Variants in ZNF367 observed in about 807,000 individuals in gnomAD.
ZNF367 encodes the protein zinc finger protein 367, also known as C2H2 zinc finger protein ZFF29.
A neutral mutation model predicts 31.8 loss-of-function variants in ZNF367; 11 were observed. The ratio of observed to expected loss-of-function variants is 0.35; its 90% CI spans 0.22 to 0.57. The LOEUF (loss-of-function observed/expected upper bound fraction) is 0.57. Ranked by LOEUF, ZNF367 falls within the 20% of genes least tolerant of loss-of-function variation. The pLI is 0.85. For synonymous variants in ZNF367, 199 were observed against 202.4 expected (o/e 0.98, Z 0.14); for missense variants, 353 against 484.1 (o/e 0.73, Z 2.54).
Position 96,418,266 on chromosome 9 carries a change from G to T in ZNF367, c.-234C>A. 2.0e-6 allele frequency: 1 copy of T among 503,628 alleles called. No homozygotes were observed. Among genetic ancestry groups the T allele is most frequent in the Non-Finnish European group, 3.1e-6 (1 of 323,418 alleles). 31.2% of individuals were successfully genotyped at this position (503,628 alleles called of 1,614,324 possible). A position where few individuals can be genotyped will look rare whatever the true frequency, so the allele number is the denominator to read the frequency against. On this transcript the variant is annotated 5_prime_UTR_variant, in exon 1 of 5. Coordinates refer to ENST00000375256, the MANE Select transcript of ZNF367 (RefSeq NM_153695.4). ...CCCTCCGCTCTTTGTACTCCGCAGC[G>T]CAGGCTGCAGGGGTGGGAAGCAGCG...
At chr9:96,416,506 T>A (rs1377241699) in intron 1 of ZNF367, among the ~76,000 whole-genome samples, 1 of 152,200 alleles carries the variant, frequency 6.6e-6, no homozygotes, top group Non-Finnish European at 1.5e-5. Context: ...TATATCAATT[T>A]CCTCAAAACC....
intron 1 of ZNF367, among the ~76,000 whole-genome samples, chr9:96,404,920 A>C (rs1831652948): frequency 6.6e-6 from 1 of 152,062 alleles, no homozygotes; most frequent in African/African-American, 2.4e-5. Flanking sequence ...ACAACAAAAA[A>C]CACAAAAAAC....
At chr9:96,402,277 A>C (rs549612076) in intron 1 of ZNF367, among the ~76,000 whole-genome samples, 61 of 152,148 alleles carry the variant, frequency 4.0e-4, no homozygotes, top group African/African-American at 1.5e-3. Context: ...AGAAAGAAAC[A>C]AAAGAAAAGA....
chr9:96,398,889 G>A (rs1831565905), intron 1 of ZNF367, among the ~76,000 whole-genome samples: 1 of 152,120 alleles, frequency 6.6e-6, no homozygotes, highest in Non-Finnish European at 1.5e-5. Flanking sequence ...TTACCTAAAG[G>A]ACTGACACAA....
At chr9:96,412,623 C>T (rs1231306619) in intron 1 of ZNF367, among the ~76,000 whole-genome samples, 3 of 151,956 alleles carry the variant, frequency 2.0e-5, no homozygotes, top group African/African-American at 7.3e-5. Context: ...GAATTGAGTG[C>T]ACTTTTATAA....
At chr9:96,415,665 T>A (rs558161178) in intron 1 of ZNF367, among the ~76,000 whole-genome samples, 1 of 151,496 alleles carries the variant, frequency 6.6e-6, no homozygotes, top group African/African-American at 2.4e-5. Flanking sequence ...GTCCGGCGAA[T>A]TTTTATATTT....
chr9:96,407,531 C>G (rs752267236), intron 1 of ZNF367: 36 of 1,274,528 alleles, frequency 2.8e-5, no homozygotes, highest in Non-Finnish European at 3.9e-5. Flanking sequence ...GAAAAGACTC[C>G]ACAGGGAGCA....
At chr9:96,388,603 T>C (rs568117266) in intron 4 of ZNF367, 144 bp from the exon 5 acceptor site, 1 of 822,756 alleles carries the variant, frequency 1.2e-6, no homozygotes, top group African/African-American at 1.7e-5. Context: ...ATAAATTTCC[T>C]ATTTATAGAG....
Position 96,418,295 on chromosome 9 carries a change from G to A in ZNF367, c.-263C>T. The A allele has an allele frequency of 2.3e-6, 1 of 432,612 alleles. No homozygotes were observed. The highest frequency in any genetic ancestry group is 6.2e-4 in the Middle Eastern group (1 of 1,608). The allele number at this position is 432,612 out of a possible 1,614,324, so 26.8% of individuals were successfully genotyped here. A position where few individuals can be genotyped will look rare whatever the true frequency, so the allele number is the denominator to read the frequency against. On this transcript the variant is annotated 5_prime_UTR_variant, in exon 1 of 5. Coordinates refer to ENST00000375256, the MANE Select transcript of ZNF367 (RefSeq NM_153695.4). Reference sequence around the variant, plus strand: ...GCTGCAGGGGTGGGAAGCAGCGGGCGGCCCGGCCCTTGCGGTGACAGGAAA... The same window carrying A: ...GCTGCAGGGGTGGGAAGCAGCGGGCAGCCCGGCCCTTGCGGTGACAGGAAA...
chr9:96,409,018 A>G (rs1157742215), intron 1 of ZNF367, among the ~76,000 whole-genome samples: 1 of 152,150 alleles, frequency 6.6e-6, no homozygotes, highest in Admixed American at 6.5e-5. Context: ...CCTCATGAAC[A>G]TCTAGACGCT....
chr9:96,410,323 A>T lies in ZNF367; in HGVS notation c.420+7290T>A, dbSNP rs1330821565. 2.6e-5 allele frequency among the ~76,000 whole-genome samples: 4 copies of T among 151,788 alleles called. No homozygotes were observed. The East Asian group carries it at 7.8e-4, about 29-fold the overall frequency. ...ACGCCTGTAATCCCAGCACTTTGGG[A>T]GACCGAGGCGGGTGGATCACGCGGT... On this transcript the variant is annotated intron_variant, in intron 1 of 4. Transcript: ENST00000375256.
chr9:96,407,403 G>A (rs1423874344), intron 1 of ZNF367: 1 of 1,473,218 alleles, frequency 6.8e-7, no homozygotes, highest in Non-Finnish European at 9.5e-7. Context: ...AGAAGGCAAA[G>A]AAAATGATTG....
At position 96,407,436 on chromosome 9, in the gene ZNF367, T is replaced by C; in HGVS notation, c.421-9122A>G. ...TTGGTCTGAAGGCTAAGCTTTAACA[T>C]AAACAGCGCCATGCTGAGAAAATAT... On this transcript the variant is annotated intron_variant, in intron 1 of 4. Transcript: ENST00000375256. 5 of 1,422,158 alleles carry C rather than the reference T, an allele frequency of 3.5e-6. No individual in the cohort carries two copies. In the South Asian group the frequency reaches 5.8e-5, roughly 16 times the overall value. The allele number at this position is 1,422,158 out of a possible 1,614,324, so 88.1% of individuals were successfully genotyped here.
intron 1 of ZNF367, among the ~76,000 whole-genome samples, chr9:96,413,732 C>T (rs891301273): frequency 2.0e-5 from 3 of 152,030 alleles, no homozygotes; most frequent in Non-Finnish European, 4.4e-5. Flanking sequence ...TGATGAGCAG[C>T]CAAAATAAGC....
chr9:96,401,099 G>A (rs1486212076), intron 1 of ZNF367, among the ~76,000 whole-genome samples: 1 of 152,076 alleles, frequency 6.6e-6, no homozygotes, highest in African/African-American at 2.4e-5. Context: ...GGGGGTACAC[G>A]CCTGTGGTCC....
At chr9:96,397,580 C>T (rs773813213) in intron 2 of ZNF367, among the ~76,000 whole-genome samples, 1 of 152,094 alleles carries the variant, frequency 6.6e-6, no homozygotes, top group African/African-American at 2.4e-5. Context: ...GGGGGTAAAA[C>T]TAAATTTGCC....
intron 1 of ZNF367, among the ~76,000 whole-genome samples, chr9:96,414,828 CAA>C (rs1376772330): frequency 1.3e-5 from 2 of 152,134 alleles, no homozygotes; most frequent in East Asian, 3.9e-4. Context: ...TGTTTTAGGC[CAA>C]AAACAACATA....
In ZNF367 at chr9:96,415,478, CATT is replaced by C. The variant is rs1831809962; in HGVS notation, c.420+2132_420+2134del. ...TCAACGCTTCTATCGTTAGTTTCTT[CATT>C]TTTTTTTTTTTTTTTTTTTTTTTTT... is the stretch of plus-strand genomic sequence containing the variant. On this transcript the variant is annotated intron_variant, in intron 1 of 4. Transcript: ENST00000375256. 5.6e-4 allele frequency among the ~76,000 whole-genome samples: 37 copies of C among 65,574 alleles called. 3 individuals are homozygous for C. Among genetic ancestry groups the C allele is most frequent in the African/African-American group, 1.4e-3 (24 of 17,770 alleles). 43.0% of individuals were successfully genotyped at this position (65,574 alleles called of 152,430 possible). A position where few individuals can be genotyped will look rare whatever the true frequency, so the allele number is the denominator to read the frequency against.
chr9:96,389,434 C>G (rs936959338), intron 4 of ZNF367, among the ~76,000 whole-genome samples: 2 of 151,522 alleles, frequency 1.3e-5, no homozygotes, highest in African/African-American at 2.4e-5. Flanking sequence ...AAATGCCCAT[C>G]GAGAGAATAA....
Sources: gnomAD v4.1 joint callset for allele counts (sites outside exome capture counted in the v4.1 genomes callset) on GRCh38, gnomAD v4.1.1 for gene constraint, MANE v1.5 for transcripts, NCBI Gene and HGNC (gene_info 2026-07-23, HGNC 2026-07-21) for gene names.